Variants in TRPM3 observed in about 807,000 individuals in gnomAD.
The protein encoded by TRPM3 is long transient receptor potential channel 3.
TRPM3 carries 77 observed loss-of-function variants against 181.2 expected under a neutral mutation model. That is an observed-to-expected ratio of 0.42 (90% confidence interval 0.35 to 0.51). TRPM3 has a LOEUF of 0.51. TRPM3 is among the 20% of genes least tolerant of loss of function. The pLI, the probability that TRPM3 is intolerant of heterozygous loss-of-function variation, is 0.01. For synonymous variants in TRPM3, 745 were observed against 796.4 expected (o/e 0.94, Z 1.09); for missense variants, 1,759 against 2,196.7 (o/e 0.80, Z 3.98).
intron 1 of TRPM3, among the ~76,000 whole-genome samples, chr9:70,974,569 A>G (rs1045180446): frequency 7.1e-6 from 1 of 140,298 alleles, no homozygotes; most frequent in African/African-American, 2.6e-5. Flanking sequence ...CAAACAAACA[A>G]ATACAAAAAA....
At chr9:71,207,046 T>C (rs923368317) in intron 1 of TRPM3, among the ~76,000 whole-genome samples, 2 of 152,080 alleles carry the variant, frequency 1.3e-5, no homozygotes, top group South Asian at 4.1e-4. Context: ...TAGCTTCCAG[T>C]ATAAAATAAA....
chr9:70,535,628 C>A lies in TRPM3; in HGVS notation c.*325G>T, dbSNP rs2041533622. On this transcript the variant is annotated 3_prime_UTR_variant, in exon 26 of 26. Transcript: ENST00000677713. The stretch of plus-strand genomic sequence containing the variant: ...CTCCTGGCATGGAGCGTGCTCGAAG[C>A]CCCTTGTTTCCCCTGCTCTCATGGC... The A allele has an allele frequency of 6.9e-7, 1 of 1,454,714 alleles. No homozygotes were observed. Among genetic ancestry groups the A allele is most frequent in the Non-Finnish European group, 9.0e-7 (1 of 1,111,040 alleles). The allele number at this position is 1,454,714 out of a possible 1,614,324, so 90.1% of individuals were successfully genotyped here.
intron 8 of TRPM3, among the ~76,000 whole-genome samples, chr9:70,745,126 T>A (rs1399847932): frequency 6.6e-6 from 1 of 152,148 alleles, no homozygotes; most frequent in Non-Finnish European, 1.5e-5. Flanking sequence ...ATTTATTGAG[T>A]GCTTATTGTT....
At chr9:70,587,995 T>A (rs1379562585) in intron 22 of TRPM3, among the ~76,000 whole-genome samples, 1 of 152,116 alleles carries the variant, frequency 6.6e-6, no homozygotes, top group Non-Finnish European at 1.5e-5. Context: ...ATTCTCTCAC[T>A]CTCCTCTGCT....
intron 1 of TRPM3, among the ~76,000 whole-genome samples, chr9:71,235,105 T>A (rs1388368787): frequency 6.6e-6 from 1 of 152,226 alleles, no homozygotes; most frequent in Non-Finnish European, 1.5e-5. Context: ...TCTAGCCTCT[T>A]TGCTGCACCT....
chr9:71,412,084 T>C (rs1186074012), intron 1 of TRPM3, among the ~76,000 whole-genome samples: 1 of 152,180 alleles, frequency 6.6e-6, no homozygotes, highest in African/African-American at 2.4e-5. Flanking sequence ...TTACACCTTA[T>C]GCAAAAATTA....
intron 1 of TRPM3, among the ~76,000 whole-genome samples, chr9:71,277,414 T>C (rs1316907577): frequency 6.6e-6 from 1 of 152,216 alleles, no homozygotes; most frequent in Non-Finnish European, 1.5e-5. Flanking sequence ...TATAATTCAA[T>C]AAAAATAGTT....
chr9:71,114,781 G>T (rs567245421), intron 1 of TRPM3, among the ~76,000 whole-genome samples: 3 of 152,082 alleles, frequency 2.0e-5, no homozygotes, highest in African/African-American at 7.2e-5. Context: ...TCATTATAGC[G>T]GAATAAAGAA....
intron 1 of TRPM3, among the ~76,000 whole-genome samples, chr9:71,204,085 A>C (rs11142731): frequency 2.0e-5 from 3 of 149,364 alleles, no homozygotes; most frequent in Non-Finnish European, 3.0e-5. Flanking sequence ...AGACTTAAAC[A>C]TTAGACCTAA....
At chr9:71,279,299 GA>G (rs578223097) in intron 1 of TRPM3, among the ~76,000 whole-genome samples, 2 of 151,156 alleles carry the variant, frequency 1.3e-5, no homozygotes, top group African/African-American at 2.4e-5. Flanking sequence ...AATATACTAT[GA>G]AAAAAAAATC....
chr9:70,801,862 T>C (rs546970501), intron 6 of TRPM3, among the ~76,000 whole-genome samples: 2 of 152,300 alleles, frequency 1.3e-5, no homozygotes, highest in South Asian at 4.1e-4. Flanking sequence ...ACCCCGATTC[T>C]AATGTGCAAA....
intron 1 of TRPM3, among the ~76,000 whole-genome samples, chr9:70,953,794 C>T (rs184526467): frequency 4.6e-5 from 7 of 152,270 alleles, no homozygotes; most frequent in African/African-American, 1.7e-4. Context: ...GCCGGAAAGA[C>T]CAAGAGCCAA....
intron 8 of TRPM3, among the ~76,000 whole-genome samples, chr9:70,684,669 G>A (rs62543301): frequency 0.011 from 1,620 of 152,190 alleles, 13 homozygotes; most frequent in Non-Finnish European, 0.017. Context: ...GGAAAAAACA[G>A]GTATTCTTAA....
chr9:71,111,702 C>T lies in TRPM3; in HGVS notation c.177+9476G>A, dbSNP rs543736079. 2.0e-5 allele frequency among the ~76,000 whole-genome samples: 3 copies of T among 152,264 alleles called. No individual in the cohort carries two copies. In the South Asian group the frequency reaches 6.2e-4, roughly 32 times the overall value. ...GCCAGGTCCTAAATGTTCAAGTGAT[C>T]CTTTATTTGTGGACTAGCACAATAG... On this transcript the variant is annotated intron_variant, in intron 1 of 25. Transcript: ENST00000677713.
At chr9:71,211,571 G>A (rs1465767367) in intron 1 of TRPM3, among the ~76,000 whole-genome samples, 2 of 152,096 alleles carry the variant, frequency 1.3e-5, no homozygotes, top group African/African-American at 4.8e-5. Flanking sequence ...GTTGTTGGGA[G>A]GGCTGATTCC....
chr9:70,622,990 TG>T, intron 14 of TRPM3, among the ~76,000 whole-genome samples: 1 of 152,268 alleles, frequency 6.6e-6, no homozygotes, highest in South Asian at 2.1e-4. Flanking sequence ...AAATCCCTGT[TG>T]TTAAATTTTA....
chr9:70,861,908 C>T (rs1234602259), intron 3 of TRPM3, among the ~76,000 whole-genome samples: 2 of 110,022 alleles, frequency 1.8e-5, no homozygotes, highest in South Asian at 3.2e-4. Context: ...GTCAGCCATT[C>T]GTGGTAAAGA....
chr9:71,205,160 A>G (rs929871435), intron 1 of TRPM3, among the ~76,000 whole-genome samples: 1 of 152,096 alleles, frequency 6.6e-6, no homozygotes, highest in Admixed American at 6.6e-5. Flanking sequence ...ACATGTATAC[A>G]TATGTAACTA....
intron 3 of TRPM3, among the ~76,000 whole-genome samples, chr9:70,853,026 G>T (rs1021347595): frequency 7.9e-5 from 12 of 152,274 alleles, no homozygotes; most frequent in Middle Eastern, 3.4e-3. Flanking sequence ...AGCTTTGAGG[G>T]GAGAGACTGT....
Sources: gnomAD v4.1 joint callset for allele counts (sites outside exome capture counted in the v4.1 genomes callset) on GRCh38, gnomAD v4.1.1 for gene constraint, MANE v1.5 for transcripts, NCBI Gene and HGNC (gene_info 2026-07-23, HGNC 2026-07-21) for gene names.